TOX: variants seen among roughly 807,000 people sequenced by gnomAD.
TOX encodes thymocyte selection associated high mobility group box.
Under a neutral mutation model 53.7 loss-of-function variants are expected in TOX, and 11 were observed. The observed-to-expected ratio is 0.20, with a 90% CI of 0.13 to 0.34. TOX has a LOEUF of 0.34. TOX is among the 10% of genes least tolerant of loss of function. The pLI, the probability that TOX is intolerant of heterozygous loss-of-function variation, is 1.00. For synonymous variants in TOX, 225 were observed against 245.3 expected (o/e 0.92, Z 0.77); for missense variants, 570 against 664.6 (o/e 0.86, Z 1.56).
chr8:58,897,310 T>C (rs191563317), intron 3 of TOX, among the ~76,000 whole-genome samples: 78 of 152,312 alleles, frequency 5.1e-4, no homozygotes, highest in East Asian at 5.8e-4. Flanking sequence ...CTTTTCTATC[T>C]GGATGGCAGA....
At chr8:59,016,518 A>G (rs1469824918) in intron 1 of TOX, among the ~76,000 whole-genome samples, 1 of 152,214 alleles carries the variant, frequency 6.6e-6, no homozygotes, top group African/African-American at 2.4e-5. Flanking sequence ...ATGTCAGTAA[A>G]TGATTCTATA....
At chr8:58,958,604 C>T (rs1563400949) in intron 2 of TOX, among the ~76,000 whole-genome samples, 2 of 152,168 alleles carry the variant, frequency 1.3e-5, no homozygotes, top group Non-Finnish European at 2.9e-5. Flanking sequence ...CTGTTCAGAA[C>T]TACCTATGGA....
At chr8:58,956,211 C>G (rs1812705152) in intron 2 of TOX, among the ~76,000 whole-genome samples, 1 of 152,150 alleles carries the variant, frequency 6.6e-6, no homozygotes, top group African/African-American at 2.4e-5. Flanking sequence ...TATATCTTAA[C>G]AACAGCCTCA....
intron 4 of TOX, among the ~76,000 whole-genome samples, chr8:58,838,849 G>T (rs934748040): frequency 6.6e-6 from 1 of 151,640 alleles, no homozygotes; most frequent in African/African-American, 2.4e-5. Context: ...CTACAGACGC[G>T]CGCCACCACA....
chr8:58,991,699 A>C (rs1355092888), intron 1 of TOX: 2 of 152,250 alleles, frequency 1.3e-5, no homozygotes, highest in African/African-American at 2.4e-5. Flanking sequence ...AAATGGTTTC[A>C]AAGAAATGTG....
At chr8:58,913,168 T>A (rs1212713646) in intron 3 of TOX, among the ~76,000 whole-genome samples, 1 of 152,140 alleles carries the variant, frequency 6.6e-6, no homozygotes, top group Admixed American at 6.5e-5. Flanking sequence ...TGTAATGAAG[T>A]TGAAATATTT....
intron 1 of TOX, among the ~76,000 whole-genome samples, chr8:59,011,219 A>T (rs1234405396): frequency 6.6e-6 from 1 of 152,230 alleles, no homozygotes; most frequent in African/African-American, 2.4e-5. Flanking sequence ...AAAGAGACCA[A>T]GGATTAGTCT....
chr8:58,951,861 T>C (rs1812626970), intron 2 of TOX, among the ~76,000 whole-genome samples: 1 of 152,196 alleles, frequency 6.6e-6, no homozygotes, highest in Non-Finnish European at 1.5e-5. Context: ...GCAAAGGATG[T>C]AGGGAGAACA....
chr8:58,855,147 A>C (rs963152256), intron 3 of TOX, among the ~76,000 whole-genome samples: 1 of 151,950 alleles, frequency 6.6e-6, no homozygotes, highest in African/African-American at 2.4e-5. Flanking sequence ...CCCTTCACTG[A>C]CTTCTCTTTT....
chr8:58,876,950 T>C (rs1280694140), intron 3 of TOX, among the ~76,000 whole-genome samples: 3 of 152,230 alleles, frequency 2.0e-5, no homozygotes, highest in African/African-American at 7.2e-5. Context: ...CAGTATATTA[T>C]ATTTTGAACT....
chr8:58,843,959 G>C (rs1228092015), intron 4 of TOX, among the ~76,000 whole-genome samples: 1 of 152,170 alleles, frequency 6.6e-6, no homozygotes, highest in Non-Finnish European at 1.5e-5. Context: ...TGGCTCTTAT[G>C]ACCACAAACT....
At chr8:58,973,718 C>T (rs1438129865) in intron 1 of TOX, among the ~76,000 whole-genome samples, 1 of 151,980 alleles carries the variant, frequency 6.6e-6, no homozygotes, top group African/African-American at 2.4e-5. Context: ...AATTGCTTGG[C>T]CATAGCTTTG....
At chr8:58,925,474 A>C (rs1399411588) in intron 3 of TOX, among the ~76,000 whole-genome samples, 2 of 152,186 alleles carry the variant, frequency 1.3e-5, no homozygotes, top group Non-Finnish European at 2.9e-5. Flanking sequence ...AGAATCTATA[A>C]CCTGCTATTC....
At chr8:58,873,254 C>T (rs563223663) in intron 3 of TOX, among the ~76,000 whole-genome samples, 2 of 152,214 alleles carry the variant, frequency 1.3e-5, no homozygotes, top group Admixed American at 6.5e-5. Context: ...TAAAGATATG[C>T]TGCATAAAAA....
At position 58,806,800 on chromosome 8, in the gene TOX, A is replaced by G. The variant is rs1809983580; in HGVS notation, c.*947T>C. ...CTAACAAATTTACTTACAAACACCT[A>G]TATTTATTATTTCATAAATAGGCGC... is the stretch of plus-strand genomic sequence containing the variant. On this transcript the variant is annotated 3_prime_UTR_variant, in exon 9 of 9. Coordinates refer to ENST00000361421, the MANE Select transcript of TOX (RefSeq NM_014729.3). 1 of 152,634 alleles carries G rather than the reference A, an allele frequency of 6.6e-6. No individual in the cohort carries two copies. Among genetic ancestry groups the G allele is most frequent in the Non-Finnish European group, 1.5e-5 (1 of 68,028 alleles). The allele number at this position is 152,634 out of a possible 1,614,324, so 9.5% of individuals were successfully genotyped here.
intron 3 of TOX, among the ~76,000 whole-genome samples, chr8:58,894,990 C>T (rs1325134092): frequency 6.6e-6 from 1 of 151,916 alleles, no homozygotes; most frequent in African/African-American, 2.4e-5. Context: ...GAGTTTGAGA[C>T]CAGCCTGGCC....
intron 7 of TOX, among the ~76,000 whole-genome samples, chr8:58,810,218 G>A (rs553455585): frequency 8.9e-4 from 136 of 152,250 alleles, no homozygotes; most frequent in Middle Eastern, 3.4e-3. Flanking sequence ...TGCCCAGGCT[G>A]ATCTTGAACT....
intron 3 of TOX, among the ~76,000 whole-genome samples, chr8:58,873,958 C>CTCTTTTTTTT (rs1491588338): frequency 7.5e-5 from 3 of 40,128 alleles, no homozygotes; most frequent in African/African-American, 5.2e-4. Context: ...TGCCAGGAAG[C>CTCTTTTTTTT]TTTTTTTTTT....
chr8:58,892,394 T>TAA (rs1811573496), intron 3 of TOX, among the ~76,000 whole-genome samples: 1 of 152,160 alleles, frequency 6.6e-6, no homozygotes, highest in Non-Finnish European at 1.5e-5. Flanking sequence ...GTGGCTTTAG[T>TAA]CAGTTGAGTT....
Sources: allele counts gnomAD v4.1 joint callset (sites outside exome capture counted in the v4.1 genomes callset), GRCh38; gene constraint gnomAD v4.1.1; transcripts MANE v1.5; gene names NCBI Gene and HGNC (gene_info 2026-07-23, HGNC 2026-07-21).